The following KIF13B variants were observed in gnomAD, a reference collection of about 807,000 sequenced individuals.
KIF13B encodes the protein kinesin family member 13B, also known as kinesin-like protein KIF13B.
A neutral mutation model predicts 222.0 loss-of-function variants in KIF13B; 127 were observed. The ratio of observed to expected loss-of-function variants is 0.57; its 90% CI spans 0.50 to 0.66. The LOEUF (loss-of-function observed/expected upper bound fraction) is 0.66, where lower values mean the gene tolerates loss of function less well. Ranked by LOEUF, KIF13B falls within the 30% of genes least tolerant of loss-of-function variation. The probability of loss-of-function intolerance (pLI) is 0.00; values close to 1 mark genes in which losing one functional copy is unlikely to be tolerated. For synonymous variants in KIF13B, 976 were observed against 919.0 expected, an observed-to-expected ratio of 1.06 and a Z score of -1.12; for missense variants, 2,173 against 2,379.0, an observed-to-expected ratio of 0.91 and a Z score of 1.80.
chr8:29,161,842 CACACAGG>C lies in KIF13B; in HGVS notation c.1270-982_1270-976del, dbSNP rs541490091. On this transcript the variant is annotated intron_variant, in intron 12 of 39. Coordinates refer to ENST00000524189, the MANE Select transcript of KIF13B (RefSeq NM_015254.4). ...TAACTGTTCACCGGGCCATTTCTCT[CACACAGG>C]ACTGTGTGCTGTGTGGGTATGGATC... is the stretch of plus-strand genomic sequence containing the variant. Among the ~76,000 whole-genome samples, 24 of 152,230 alleles carry C rather than the reference CACACAGG, an allele frequency of 1.6e-4. No homozygotes were observed. In the East Asian group the frequency reaches 4.6e-3, roughly 29 times the overall value.
chr8:29,106,242 G>A (rs983698911), intron 35 of KIF13B, among the ~76,000 whole-genome samples: 4 of 152,144 alleles, frequency 2.6e-5, no homozygotes, highest in Admixed American at 2.6e-4. Context: ...TGTCCATGCA[G>A]GGCTCCAGTG....
At chr8:29,097,675 G>A (rs188508882) in intron 36 of KIF13B, among the ~76,000 whole-genome samples, 2 of 152,044 alleles carry the variant, frequency 1.3e-5, no homozygotes, top group Non-Finnish European at 2.9e-5. Flanking sequence ...TGAATAGAAT[G>A]AAAATGAAAG....
chr8:29,186,110 CA>C (rs930728086), intron 6 of KIF13B, among the ~76,000 whole-genome samples, 181 bp downstream of exon 6: 2 of 152,134 alleles, frequency 1.3e-5, no homozygotes, highest in African/African-American at 4.8e-5. Context: ...AACAAACAAA[CA>C]AACAAACAAA....
At chr8:29,237,317 G>A (rs970855144) in intron 2 of KIF13B, among the ~76,000 whole-genome samples, 2 of 151,802 alleles carry the variant, frequency 1.3e-5, no homozygotes, top group Non-Finnish European at 2.9e-5. Flanking sequence ...CCTGGTAGTT[G>A]CCTAAACTGT....
intron 26 of KIF13B, among the ~76,000 whole-genome samples, chr8:29,125,119 T>C (rs1810050356): frequency 6.6e-6 from 1 of 152,206 alleles, no homozygotes; most frequent in South Asian, 2.1e-4. Context: ...AATCAACTTT[T>C]GTAACTTCTG....
chr8:29,192,691 T>C (rs1328745984), intron 3 of KIF13B, among the ~76,000 whole-genome samples: 1 of 152,202 alleles, frequency 6.6e-6, no homozygotes, highest in Admixed American at 6.5e-5. Context: ...AAAGGTTAAT[T>C]TTTTTAAGAA....
rs1331111943 is a variant in KIF13B, at chr8:29,140,708, AAACTT to A, written c.2335-96_2335-92del. On this transcript the variant is annotated intron_variant, in intron 19 of 39. Coordinates refer to ENST00000524189, the MANE Select transcript of KIF13B (RefSeq NM_015254.4). ...GCTTTTTGATGCACTCTAGGTTATT[AAACTT>A]AACTTTCATCATCCTAACTCTTGTA... The A allele has an allele frequency of 2.6e-6, 3 of 1,165,374 alleles. No homozygotes were observed. In the African/African-American group the frequency reaches 4.6e-5, roughly 18 times the overall value. The allele number at this position is 1,165,374 out of a possible 1,614,324, so 72.2% of individuals were successfully genotyped here.
intron 2 of KIF13B, among the ~76,000 whole-genome samples, chr8:29,233,350 C>T (rs887774101): frequency 4.6e-5 from 7 of 152,172 alleles, no homozygotes; most frequent in Admixed American, 3.3e-4. Flanking sequence ...TAAGCTGGAA[C>T]GCTGAACTTA....
chr8:29,164,505 C>T (rs1232454674), intron 12 of KIF13B, among the ~76,000 whole-genome samples: 1 of 152,198 alleles, frequency 6.6e-6, no homozygotes, highest in Admixed American at 6.5e-5. Context: ...GGGCTCAATA[C>T]ATAAGTGTAT....
At chr8:29,082,062 T>C (rs970213182) in intron 37 of KIF13B, among the ~76,000 whole-genome samples, 24 of 152,330 alleles carry the variant, frequency 1.6e-4, no homozygotes, top group Admixed American at 1.5e-3. Flanking sequence ...TATTTACTCA[T>C]TCGCAAATAT....
intron 2 of KIF13B, among the ~76,000 whole-genome samples, chr8:29,235,243 C>T (rs1815457128): frequency 6.6e-6 from 1 of 152,106 alleles, no homozygotes; most frequent in Non-Finnish European, 1.5e-5. Context: ...AAAAGCAAAA[C>T]AAAGGCTGTG....
chr8:29,260,639 A>T (rs1816646026), intron 1 of KIF13B, among the ~76,000 whole-genome samples: 1 of 150,740 alleles, frequency 6.6e-6, no homozygotes, highest in Non-Finnish European at 1.5e-5. Flanking sequence ...TTTTTGAGAC[A>T]GAGTTTCACT....
At chr8:29,261,183 T>C (rs1816668097) in intron 1 of KIF13B, among the ~76,000 whole-genome samples, 1 of 152,228 alleles carries the variant, frequency 6.6e-6, no homozygotes, top group South Asian at 2.1e-4. Flanking sequence ...TATAGGCTAA[T>C]GGAATCTATG....
At chr8:29,249,603 T>C (rs1816193663) in intron 1 of KIF13B, among the ~76,000 whole-genome samples, 2 of 152,142 alleles carry the variant, frequency 1.3e-5, no homozygotes, top group South Asian at 4.1e-4. Flanking sequence ...TTAACTCACA[T>C]AATTAAGCCA....
At chr8:29,178,064 TTA>T (rs1408921901) in intron 8 of KIF13B, among the ~76,000 whole-genome samples, 2 of 152,280 alleles carry the variant, frequency 1.3e-5, no homozygotes, top group East Asian at 3.9e-4. Context: ...CACAGAAAAT[TTA>T]TAAAACTCTA....
chr8:29,245,450 A>C lies in KIF13B; in HGVS notation c.56-11T>G. 6.6e-7 allele frequency: 1 copy of C among 1,516,710 alleles called. No individual in the cohort carries two copies. The highest frequency in any genetic ancestry group is 8.9e-7 in the Non-Finnish European group (1 of 1,120,594). 94.0% of individuals were successfully genotyped at this position (1,516,710 alleles called of 1,614,324 possible). On this transcript the variant is annotated splice_polypyrimidine_tract_variant and intron_variant, in intron 1 of 39. Transcript: ENST00000524189. ...TATGCAAGTCAGTCTCTGTGGATAAAAAAACAAGAAAAACAGTCATTTTAA... is the reference window on the plus strand; with the variant it reads ...TATGCAAGTCAGTCTCTGTGGATAACAAAACAAGAAAAACAGTCATTTTAA...
At chr8:29,146,282 GCA>G in intron 18 of KIF13B, 94 bp downstream of exon 18, 1 of 1,262,816 alleles carries the variant, frequency 7.9e-7, no homozygotes, top group Non-Finnish European at 1.2e-6. Context: ...CTTGGGGCAG[GCA>G]CAGACAGGGA....
chr8:29,136,832 C>T (rs1357885570), intron 21 of KIF13B, among the ~76,000 whole-genome samples: 2 of 139,826 alleles, frequency 1.4e-5, no homozygotes, highest in African/African-American at 5.5e-5. Flanking sequence ...TGGCGTCTCG[C>T]TCTGTTGCCC....
In KIF13B at chr8:29,070,451, A is replaced by C; in HGVS notation, c.*53T>G. On this transcript the variant is annotated 3_prime_UTR_variant, in exon 40 of 40. Coordinates refer to ENST00000524189, the MANE Select transcript of KIF13B (RefSeq NM_015254.4). This position sits in a 1 kb window ranked among gnomAD's most constrained non-coding sequence, Gnocchi z 4.1. ...CTGGCTCCTCAGGGCTGTCACTGGC[A>C]GGGCTCAAAAGGGGCCGGGCACCCC... The C allele has an allele frequency of 2.5e-6, 4 of 1,588,556 alleles. No homozygotes were observed. Among genetic ancestry groups the C allele is most frequent in the Non-Finnish European group, 2.6e-6 (3 of 1,167,256 alleles).
Sources: gnomAD v4.1 joint callset for allele counts (sites outside exome capture counted in the v4.1 genomes callset) on GRCh38, gnomAD v4.1.1 for gene constraint, Gnocchi (gnomAD v3.1) non-coding constraint, MANE v1.5 for transcripts, NCBI Gene and HGNC (gene_info 2026-07-23, HGNC 2026-07-21) for gene names.